LRMDA: variants seen among roughly 807,000 people sequenced by gnomAD.
LRMDA encodes leucine rich melanocyte differentiation associated.
In LRMDA, 18 loss-of-function variants were observed where a neutral mutation model predicts 29.8. The observed-to-expected ratio is 0.60, with a 90% CI of 0.42 to 0.90. The LOEUF (loss-of-function observed/expected upper bound fraction) is 0.90, where lower values mean the gene tolerates loss of function less well. Among genes scored for constraint, LRMDA ranks in the 40% least tolerant of loss-of-function variants. The probability of loss-of-function intolerance (pLI) is 0.00; values close to 1 mark genes in which losing one functional copy is unlikely to be tolerated. For missense variants in LRMDA, 273 were observed against 273.9 expected, an observed-to-expected ratio of 1.00 and a Z score of 0.02; for synonymous variants, 125 against 109.4, an observed-to-expected ratio of 1.14 and a Z score of -0.89.
chr10:76,254,450 A>G (rs564846428), intron 5 of LRMDA, among the ~76,000 whole-genome samples: 2 of 149,914 alleles, frequency 1.3e-5, no homozygotes, highest in Admixed American at 6.7e-5. Context: ...TAGTCTCTTA[A>G]AAATAAAGCA....
rs116051067 is a variant in LRMDA at position 75,515,892 on chromosome 10, C to A, written c.131+77398C>A. ...GACAGGCCCTAGTGTGTGTGATGTT[C>A]CTCGCCCTGTGTCCAAGTGTTCTCA... is the stretch of plus-strand genomic sequence containing the variant. On this transcript the variant is annotated intron_variant, in intron 2 of 6. Transcript: ENST00000611255. Among the ~76,000 whole-genome samples the A allele has an allele frequency of 6.1e-3, 924 of 152,118 alleles. 9 individuals carry two copies. Among genetic ancestry groups the A allele is most frequent in the African/African-American group, 0.02 (818 of 41,490 alleles).
intron 5 of LRMDA, among the ~76,000 whole-genome samples, chr10:76,258,534 G>GT (rs990327797): frequency 2.3e-4 from 35 of 152,030 alleles, no homozygotes; most frequent in Admixed American, 2.0e-3. Flanking sequence ...ATCCTACAAT[G>GT]TTTTTTTAAC....
intron 2 of LRMDA, among the ~76,000 whole-genome samples, chr10:75,958,374 G>A (rs77605612): frequency 0.014 from 2,086 of 152,238 alleles, 21 homozygotes; most frequent in Non-Finnish European, 0.021. Context: ...TCAATTTTCC[G>A]GTTACCTTGT....
intron 6 of LRMDA, among the ~76,000 whole-genome samples, chr10:76,414,902 TAGTC>T (rs1663473957): frequency 1.3e-5 from 2 of 152,232 alleles, no homozygotes; most frequent in Admixed American, 1.3e-4. Flanking sequence ...GATGTCAGGA[TAGTC>T]AGGCAGAGGC....
intron 5 of LRMDA, among the ~76,000 whole-genome samples, chr10:76,173,360 G>GAA: frequency 6.6e-6 from 1 of 152,180 alleles, no homozygotes; most frequent in African/African-American, 2.4e-5. Flanking sequence ...AGAAATCAGT[G>GAA]AAACAGAAAA....
intron 6 of LRMDA, among the ~76,000 whole-genome samples, chr10:76,447,461 A>T (rs1307365567): frequency 6.6e-6 from 1 of 152,068 alleles, no homozygotes; most frequent in Non-Finnish European, 1.5e-5. Flanking sequence ...TAGAGTGAAA[A>T]TTATCTTTAA....
At chr10:75,749,904 T>A (rs942920105) in intron 2 of LRMDA, among the ~76,000 whole-genome samples, 16 of 152,242 alleles carry the variant, frequency 1.1e-4, no homozygotes, top group Non-Finnish European at 1.9e-4. Flanking sequence ...CATTTAACCC[T>A]GAGTGGACAC....
chr10:75,956,907 T>G (rs1449541279), intron 2 of LRMDA, among the ~76,000 whole-genome samples: 1 of 152,196 alleles, frequency 6.6e-6, no homozygotes, highest in Non-Finnish European at 1.5e-5. Flanking sequence ...TACCGTGGAC[T>G]TTTCCCCATG....
chr10:76,034,987 T>C (rs1848216491), intron 2 of LRMDA, among the ~76,000 whole-genome samples: 1 of 152,080 alleles, frequency 6.6e-6, no homozygotes, highest in Non-Finnish European at 1.5e-5. Flanking sequence ...CAAGCACTTG[T>C]GCACAACTAC....
At chr10:76,183,081 C>A (rs1202623649) in intron 5 of LRMDA, among the ~76,000 whole-genome samples, 1 of 152,102 alleles carries the variant, frequency 6.6e-6, no homozygotes, top group Non-Finnish European at 1.5e-5. Context: ...GGAAGGAGTC[C>A]CCTCTCATTT....
At chr10:75,982,558 A>G (rs1423285474) in intron 2 of LRMDA, among the ~76,000 whole-genome samples, 2 of 152,062 alleles carry the variant, frequency 1.3e-5, no homozygotes, top group Non-Finnish European at 2.9e-5. Context: ...GGGTGGCAAA[A>G]AGTATCTACA....
chr10:75,446,833 G>T (rs1272833564), intron 2 of LRMDA, among the ~76,000 whole-genome samples: 1 of 152,202 alleles, frequency 6.6e-6, no homozygotes, highest in Admixed American at 6.5e-5. Context: ...GTTCCAGTGG[G>T]ATTGGGGAGA....
At chr10:75,750,561 C>G (rs1351968309) in intron 2 of LRMDA, among the ~76,000 whole-genome samples, 2 of 112,530 alleles carry the variant, frequency 1.8e-5, no homozygotes, top group African/African-American at 3.6e-5. Flanking sequence ...TCTCAGAGGA[C>G]GGGCGGCCAG....
chr10:76,272,770 G>A (rs1285651896), intron 5 of LRMDA, among the ~76,000 whole-genome samples: 1 of 152,130 alleles, frequency 6.6e-6, no homozygotes, highest in Non-Finnish European at 1.5e-5. Flanking sequence ...GAGGAGGCCT[G>A]AGGAAACTTA....
intron 2 of LRMDA, among the ~76,000 whole-genome samples, chr10:75,680,114 G>T (rs571324403): frequency 2.0e-5 from 3 of 152,368 alleles, no homozygotes; most frequent in South Asian, 2.1e-4. Context: ...CTTAGGATTA[G>T]ATGTGTCCTG....
In LRMDA at chr10:75,431,745, TG is replaced by T; in HGVS notation, c.23del (p.Gly8GlufsTer7). The T allele has an allele frequency of 1.5e-6, 2 of 1,375,134 alleles. No homozygotes were observed. Among genetic ancestry groups the T allele is most frequent in the South Asian group, 1.8e-5 (1 of 55,630 alleles). 85.2% of individuals were successfully genotyped at this position (1,375,134 alleles called of 1,614,324 possible). A position where few individuals can be genotyped will look rare whatever the true frequency, so the allele number is the denominator to read the frequency against. On this transcript the variant is annotated frameshift_variant, in exon 1 of 7. Coordinates refer to ENST00000611255, the MANE Select transcript of LRMDA (RefSeq NM_001305581.2). LOFTEE classifies it high-confidence loss of function. The stretch of plus-strand genomic sequence containing the variant: ...CCGCCATGGCCGGGCTCGTGGTGCG[TG>T]GAACTCAAGTAAGTCCCGGCCAGCC... MAGLVVR[G>X]TQVSYIGQDC...
At chr10:76,479,149 G>T (rs1322475660) in intron 6 of LRMDA, among the ~76,000 whole-genome samples, 1 of 151,746 alleles carries the variant, frequency 6.6e-6, no homozygotes. Context: ...TAAAATAGAA[G>T]TTGGAAACAT....
intron 2 of LRMDA, among the ~76,000 whole-genome samples, chr10:75,734,196 A>G (rs1251932569): frequency 6.6e-6 from 1 of 152,196 alleles, no homozygotes; most frequent in Non-Finnish European, 1.5e-5. Flanking sequence ...TGCCAGGATG[A>G]TATGAACTTG....
chr10:76,386,257 G>C (rs1841658409), intron 6 of LRMDA, among the ~76,000 whole-genome samples: 1 of 152,142 alleles, frequency 6.6e-6, no homozygotes, highest in South Asian at 2.1e-4. Flanking sequence ...TGAGTAGAGA[G>C]CTGAAAAAAT....
Sources: gnomAD v4.1 joint callset for allele counts (sites outside exome capture counted in the v4.1 genomes callset) on GRCh38, gnomAD v4.1.1 for gene constraint, MANE v1.5 for transcripts, NCBI Gene and HGNC (gene_info 2026-07-23, HGNC 2026-07-21) for gene names.